The following EFNA5 variants were observed in gnomAD, a reference collection of about 807,000 sequenced individuals.
The protein encoded by EFNA5 is ephrin A5.
EFNA5 carries 5 observed loss-of-function variants against 22.9 expected under a neutral mutation model. The observed-to-expected ratio is 0.22, with a 90% confidence interval of 0.11 to 0.46. EFNA5 has a LOEUF of 0.46. EFNA5 is among the 20% of genes least tolerant of loss of function. EFNA5 has a pLI of 0.99. For synonymous variants in EFNA5, 113 were observed against 112.2 expected, an observed-to-expected ratio of 1.01 and a Z score of -0.04; for missense variants, 237 against 293.3, an observed-to-expected ratio of 0.81 and a Z score of 1.40.
intron 1 of EFNA5, among the ~76,000 whole-genome samples, chr5:107,537,339 C>T (rs1338394450): frequency 6.6e-6 from 1 of 151,636 alleles, no homozygotes; most frequent in African/African-American, 2.4e-5. Flanking sequence ...ACTAAAAATA[C>T]AAAATTAGCC....
intron 1 of EFNA5, among the ~76,000 whole-genome samples, chr5:107,485,318 TA>T (rs879614980): frequency 2.6e-5 from 4 of 152,142 alleles, no homozygotes; most frequent in African/African-American, 4.8e-5. Context: ...AAATTCAATG[TA>T]AAAAAGAAAG....
intron 1 of EFNA5, among the ~76,000 whole-genome samples, chr5:107,563,350 C>T (rs927373280): frequency 5.3e-5 from 8 of 152,124 alleles, no homozygotes; most frequent in African/African-American, 1.4e-4. Flanking sequence ...CTTTTGTGTT[C>T]CCTCCTGTGG....
At chr5:107,635,828 C>T (rs1372655313) in intron 1 of EFNA5, among the ~76,000 whole-genome samples, 1 of 152,156 alleles carries the variant, frequency 6.6e-6, no homozygotes, top group Non-Finnish European at 1.5e-5. Context: ...AAGCATTCAT[C>T]CTTAGGATGG....
chr5:107,435,414 A>G (rs112149830), intron 1 of EFNA5, among the ~76,000 whole-genome samples: 1 of 150,976 alleles, frequency 6.6e-6, no homozygotes, highest in Non-Finnish European at 1.5e-5. Flanking sequence ...AGCATCACTA[A>G]GGGCTGAACA....
At chr5:107,477,199 C>T (rs370580394) in intron 1 of EFNA5, among the ~76,000 whole-genome samples, 1 of 151,974 alleles carries the variant, frequency 6.6e-6, no homozygotes, top group Non-Finnish European at 1.5e-5. Flanking sequence ...TAAGAAGCTA[C>T]GGAGAAACAT....
intron 1 of EFNA5, among the ~76,000 whole-genome samples, chr5:107,529,392 G>C (rs979848435): frequency 2.0e-5 from 3 of 152,008 alleles, no homozygotes; most frequent in Non-Finnish European, 4.4e-5. Context: ...TGCCACCGTA[G>C]CCCAAAAAAA....
intron 1 of EFNA5, among the ~76,000 whole-genome samples, chr5:107,464,268 T>A (rs1009537355): frequency 6.6e-6 from 1 of 152,126 alleles, no homozygotes; most frequent in Admixed American, 6.5e-5. Context: ...TCCAGGGGTA[T>A]ATGTCTCAGA....
intron 1 of EFNA5, among the ~76,000 whole-genome samples, chr5:107,647,929 A>G (rs1271112479): frequency 6.6e-6 from 1 of 152,200 alleles, no homozygotes; most frequent in Non-Finnish European, 1.5e-5. Flanking sequence ...AATGAGGTCT[A>G]TAAGCAAAGC....
intron 4 of EFNA5, among the ~76,000 whole-genome samples, chr5:107,383,017 C>T (rs1045489214): frequency 5.9e-5 from 9 of 152,164 alleles, no homozygotes; most frequent in African/African-American, 2.2e-4. Flanking sequence ...AATATTTGTC[C>T]TAAAGTAACC....
chr5:107,565,358 G>C (rs968178139), intron 1 of EFNA5, among the ~76,000 whole-genome samples: 1 of 152,042 alleles, frequency 6.6e-6, no homozygotes, highest in African/African-American at 2.4e-5. Flanking sequence ...TAATATTAGG[G>C]CTTCTCATAT....
At chr5:107,385,158 T>C (rs1414262360) in intron 4 of EFNA5, among the ~76,000 whole-genome samples, 1 of 152,180 alleles carries the variant, frequency 6.6e-6, no homozygotes, top group Non-Finnish European at 1.5e-5. Context: ...TTTGGGCCAT[T>C]GTGCATTTTA....
At chr5:107,638,665 G>A (rs1379115322) in intron 1 of EFNA5, among the ~76,000 whole-genome samples, 3 of 152,144 alleles carry the variant, frequency 2.0e-5, no homozygotes, top group Non-Finnish European at 4.4e-5. Flanking sequence ...TATGTTATAT[G>A]CAAACATGAT....
At chr5:107,476,861 G>A (rs1750327167) in intron 1 of EFNA5, among the ~76,000 whole-genome samples, 1 of 151,550 alleles carries the variant, frequency 6.6e-6, no homozygotes, top group South Asian at 2.1e-4. Context: ...GATTTGATGT[G>A]GTTCACAAAT....
intron 1 of EFNA5, among the ~76,000 whole-genome samples, chr5:107,643,626 A>T (rs1750570313): frequency 6.6e-6 from 1 of 151,914 alleles, no homozygotes; most frequent in Non-Finnish European, 1.5e-5. Context: ...TAATCCCTGA[A>T]TGCCACTAAA....
At chr5:107,566,280 C>T (rs886261803) in intron 1 of EFNA5, among the ~76,000 whole-genome samples, 1 of 152,120 alleles carries the variant, frequency 6.6e-6, no homozygotes, top group Non-Finnish European at 1.5e-5. Flanking sequence ...CTTTCACAGT[C>T]ATGTTACTGG....
At chr5:107,523,585 C>G (rs1480220341) in intron 1 of EFNA5, among the ~76,000 whole-genome samples, 2 of 152,214 alleles carry the variant, frequency 1.3e-5, no homozygotes, top group Non-Finnish European at 2.9e-5. Context: ...ATTATGGTTC[C>G]AGGCACAACT....
intron 1 of EFNA5, among the ~76,000 whole-genome samples, chr5:107,561,971 A>G (rs1239308510): frequency 1.3e-5 from 2 of 152,192 alleles, no homozygotes; most frequent in African/African-American, 4.8e-5. Flanking sequence ...AGTGTTGACT[A>G]CACAGCCTCC....
chr5:107,617,463 A>T (rs997158910), intron 1 of EFNA5, among the ~76,000 whole-genome samples: 1 of 152,212 alleles, frequency 6.6e-6, no homozygotes, highest in Non-Finnish European at 1.5e-5. Context: ...TTCTAATCAG[A>T]GAAGCAGGTA....
chr5:107,500,867 T>A (rs1163968495), intron 1 of EFNA5, among the ~76,000 whole-genome samples: 3 of 101,126 alleles, frequency 3.0e-5, no homozygotes. Flanking sequence ...TAAAAAATAT[T>A]CATTAAAAAA....
Sources: allele counts gnomAD v4.1 joint callset (sites outside exome capture counted in the v4.1 genomes callset), GRCh38; gene constraint gnomAD v4.1.1; transcripts MANE v1.5; gene names NCBI Gene and HGNC (gene_info 2026-07-23, HGNC 2026-07-21).